The following TANC1 variants were observed in gnomAD, a reference collection of about 807,000 sequenced individuals.
TANC1 encodes tetratricopeptide repeat, ankyrin repeat and coiled-coil containing 1.
A neutral mutation model predicts 149.7 loss-of-function variants in TANC1; 77 were observed. The ratio of observed to expected loss-of-function variants is 0.51; its 90% CI spans 0.43 to 0.62. TANC1 has a LOEUF of 0.62. Among genes scored for constraint, TANC1 ranks in the 20% least tolerant of loss-of-function variants. The pLI is 0.00. For synonymous variants in TANC1, 854 were observed against 925.0 expected (o/e 0.92, Z 1.39); for missense variants, 1,985 against 2,321.8 (o/e 0.85, Z 2.98).
At chr2:159,121,805 G>T (rs2048879132) in intron 4 of TANC1, among the ~76,000 whole-genome samples, 1 of 152,184 alleles carries the variant, frequency 6.6e-6, no homozygotes, top group Non-Finnish European at 1.5e-5. Flanking sequence ...CTGTAAACTA[G>T]TCAATAGAAA....
Position 159,019,653 on chromosome 2 carries a change from G to GTTTTTTTTTTTTT in TANC1, c.-16+18485_-16+18497dup, listed in dbSNP as rs55746240. Among the ~76,000 whole-genome samples the GTTTTTTTTTTTTT allele has an allele frequency of 9.3e-4, 68 of 73,306 alleles. 15 individuals carry two copies. Among genetic ancestry groups the GTTTTTTTTTTTTT allele is most frequent in the Non-Finnish European group, 1.4e-3 (54 of 39,230 alleles). The allele number at this position is 73,306 out of a possible 152,430, so 48.1% of individuals were successfully genotyped here. ...CCTAACTGCAGCTTGCTTTCTTTCT[G>GTTTTTTTTTTTTT]TTTTTTTTTTTTTTTTTTTTTTTTT... On this transcript the variant is annotated intron_variant, in intron 2 of 26. Coordinates refer to ENST00000263635, the MANE Select transcript of TANC1 (RefSeq NM_033394.3).
At chr2:159,134,334 T>A (rs1347657848) in intron 4 of TANC1, among the ~76,000 whole-genome samples, 1 of 152,184 alleles carries the variant, frequency 6.6e-6, no homozygotes, top group Non-Finnish European at 1.5e-5. Context: ...AGACAGGGTT[T>A]CACCCTGTCG....
At position 159,143,904 on chromosome 2, in the gene TANC1, ATTG is replaced by A. The variant is rs569604594; in HGVS notation, c.365-5235_365-5233del. Reference sequence around the variant, plus strand: ...ATTTAGTTTTTTAATTAAAATATTAATTGTTAACATGAAGTTTTATAACATTAA... The same window carrying A: ...ATTTAGTTTTTTAATTAAAATATTAATTAACATGAAGTTTTATAACATTAA... On this transcript the variant is annotated intron_variant, in intron 5 of 26. Transcript: ENST00000263635. Among the ~76,000 whole-genome samples, 558 of 152,126 alleles carry A rather than the reference ATTG, an allele frequency of 3.7e-3. 3 individuals are homozygous for A. Among genetic ancestry groups the A allele is most frequent in the African/African-American group, 0.012 (511 of 41,480 alleles).
chr2:159,136,010 G>T (rs898513389), intron 4 of TANC1, among the ~76,000 whole-genome samples, 184 bp from the exon 5 acceptor site: 2 of 54,070 alleles, frequency 3.7e-5, no homozygotes, highest in African/African-American at 1.5e-4. Flanking sequence ...TTTTGTGTGT[G>T]TGTGTGTGTG....
intron 2 of TANC1, among the ~76,000 whole-genome samples, chr2:159,013,386 C>G (rs774393709): frequency 6.6e-6 from 1 of 152,296 alleles, no homozygotes; most frequent in Non-Finnish European, 1.5e-5. Context: ...AATAGGCCTG[C>G]CATCTGTCCT....
intron 2 of TANC1, among the ~76,000 whole-genome samples, chr2:159,018,667 C>T (rs1053220691): frequency 1.8e-4 from 28 of 152,172 alleles, no homozygotes; most frequent in African/African-American, 6.8e-4. Flanking sequence ...TTCCCTCAGC[C>T]CCTCTAACCT....
At chr2:159,061,583 A>C (rs1323961956) in intron 2 of TANC1, among the ~76,000 whole-genome samples, 2 of 152,220 alleles carry the variant, frequency 1.3e-5, no homozygotes, top group African/African-American at 2.4e-5. Flanking sequence ...AAGCGTAAAA[A>C]TTCAAGTTTC....
chr2:159,218,172 C>T (rs1406526527), intron 20 of TANC1, among the ~76,000 whole-genome samples: 2 of 152,144 alleles, frequency 1.3e-5, no homozygotes, highest in African/African-American at 4.8e-5. Context: ...TAAACAGTGA[C>T]CACATACCTA....
At chr2:159,012,445 T>G (rs1228390548) in intron 2 of TANC1, among the ~76,000 whole-genome samples, 1 of 152,126 alleles carries the variant, frequency 6.6e-6, no homozygotes, top group Non-Finnish European at 1.5e-5. Flanking sequence ...TCTATTTTTT[T>G]TTTTTTGAGA....
chr2:159,205,851 C>T lies in TANC1; in HGVS notation c.3244+6798C>T, dbSNP rs535920868. Among the ~76,000 whole-genome samples, 8 of 152,276 alleles carry T rather than the reference C, an allele frequency of 5.3e-5. No homozygotes were observed. The South Asian group carries it at 6.2e-4, about 12-fold the overall frequency. On this transcript the variant is annotated intron_variant, in intron 19 of 26. Transcript: ENST00000263635. Reference sequence around the variant, plus strand: ...TTGGAAGGAAAGCGTTTGCCCATGGCTTGTTGGGGCATGTGGAGAATATGT... The same window carrying T: ...TTGGAAGGAAAGCGTTTGCCCATGGTTTGTTGGGGCATGTGGAGAATATGT...
intron 3 of TANC1, among the ~76,000 whole-genome samples, chr2:159,088,075 A>C (rs1488708161): frequency 6.6e-6 from 1 of 151,560 alleles, no homozygotes; most frequent in African/African-American, 2.4e-5. Context: ...TTGATGTTGG[A>C]CTTGGAGCCT....
chr2:159,108,004 T>C (rs428463), intron 4 of TANC1, among the ~76,000 whole-genome samples: 101,624 of 152,124 alleles, frequency 0.67, 34,007 homozygotes, highest in Middle Eastern at 0.71. Context: ...CCAATCACTT[T>C]CTTTATCCTG....
chr2:159,116,456 A>ACAACAACAAC (rs1553559594), intron 4 of TANC1, among the ~76,000 whole-genome samples: 47 of 138,166 alleles, frequency 3.4e-4, no homozygotes, highest in Non-Finnish European at 6.3e-4. Flanking sequence ...AACAACAACA[A>ACAACAACAAC]AAAAAAAAAA....
chr2:159,038,975 G>A (rs2040414596), intron 2 of TANC1, among the ~76,000 whole-genome samples: 1 of 152,064 alleles, frequency 6.6e-6, no homozygotes, highest in East Asian at 1.9e-4. Flanking sequence ...GAATCCGTCT[G>A]GTCCTGGACT....
intron 2 of TANC1, among the ~76,000 whole-genome samples, chr2:159,060,793 T>C (rs941168023): frequency 3.2e-4 from 49 of 152,376 alleles, no homozygotes; most frequent in African/African-American, 1.1e-3. Context: ...TACTCTTCTA[T>C]GATCTCAGAC....
chr2:159,134,149 A>G (rs1162890845), intron 4 of TANC1, among the ~76,000 whole-genome samples: 4 of 152,126 alleles, frequency 2.6e-5, no homozygotes, highest in African/African-American at 7.2e-5. Flanking sequence ...AAGAGGGGAT[A>G]GTTGTAGATT....
rs759382142 is a variant in TANC1 at position 159,219,741 on chromosome 2, G to T, written c.3552G>T (p.Trp1184Cys). 1 of 1,614,204 alleles carries T rather than the reference G, an allele frequency of 6.2e-7. No homozygotes were observed. Among genetic ancestry groups the T allele is most frequent in the Non-Finnish European group, 8.5e-7 (1 of 1,180,044 alleles). The change falls in exon 22 of 27, where the codon TGG becomes TGT. Residue 1184 changes from tryptophan to cysteine, a missense_variant. Trp to Cys is a radical substitution (Grantham distance 215). Transcript: ENST00000263635. Reference sequence around the variant, plus strand: ...AAGAGGGTCTGTCAGCATTAAGCTGGGCTTGTCTGAAAGGTCACAGGGCAG... The same window carrying T: ...AAGAGGGTCTGTCAGCATTAAGCTGTGCTTGTCTGAAAGGTCACAGGGCAG... ...LDKEGLSALSWACLKGHRAVV... is the reference protein window; with the variant it reads ...LDKEGLSALSCACLKGHRAVV...
chr2:159,208,353 A>G (rs2058761618), intron 19 of TANC1, among the ~76,000 whole-genome samples: 1 of 152,228 alleles, frequency 6.6e-6, no homozygotes, highest in South Asian at 2.1e-4. Flanking sequence ...GATGGAAAAG[A>G]AAGGAATTTT....
At chr2:159,140,408 G>A in intron 5 of TANC1, among the ~76,000 whole-genome samples, 1 of 152,122 alleles carries the variant, frequency 6.6e-6, no homozygotes, top group Admixed American at 6.5e-5. Context: ...TAGAAAAGGG[G>A]CATACCTGGT....
Sources: gnomAD v4.1 joint callset for allele counts (sites outside exome capture counted in the v4.1 genomes callset) on GRCh38, gnomAD v4.1.1 for gene constraint, MANE v1.5 for transcripts, NCBI Gene and HGNC (gene_info 2026-07-23, HGNC 2026-07-21) for gene names.